The following SLC22A15 variants were observed in gnomAD, a reference collection of about 807,000 sequenced individuals.
SLC22A15 encodes the protein solute carrier family 22 member 15.
In SLC22A15, 45 loss-of-function variants were observed where a neutral mutation model predicts 62.7. The observed-to-expected ratio is 0.72, with a 90% confidence interval of 0.56 to 0.92. The LOEUF is 0.92. Ranked by LOEUF, SLC22A15 falls within the 40% of genes least tolerant of loss-of-function variation. SLC22A15 has a pLI of 0.00. For synonymous variants in SLC22A15, 264 were observed against 267.0 expected, an observed-to-expected ratio of 0.99 and a Z score of 0.11; for missense variants, 622 against 665.6, an observed-to-expected ratio of 0.93 and a Z score of 0.72.
rs941511518 is a variant in SLC22A15 at position 116,018,648 on chromosome 1, T to C, written c.301-934T>C. Reference sequence around the variant, plus strand: ...TTCCTTTTTATTTTTTTAATTTTATTGACATAATTATATTTATGGGCTACA... The same window carrying C: ...TTCCTTTTTATTTTTTTAATTTTATCGACATAATTATATTTATGGGCTACA... On this transcript the variant is annotated intron_variant, in intron 2 of 11. Coordinates refer to ENST00000369503, the MANE Select transcript of SLC22A15 (RefSeq NM_018420.3). 3.3e-5 allele frequency among the ~76,000 whole-genome samples: 5 copies of C among 152,214 alleles called. No individual in the cohort carries two copies. The East Asian group carries it at 9.6e-4, about 29-fold the overall frequency.
chr1:116,064,470 C>T lies in SLC22A15; in HGVS notation c.1327C>T (p.Arg443Ter), dbSNP rs763830091. 1.9e-5 allele frequency: 31 copies of T among 1,613,362 alleles called. No individual in the cohort carries two copies. The highest frequency in any genetic ancestry group is 4.5e-5 in the East Asian group (2 of 44,888). The change falls in exon 10 of 12, where the codon CGA becomes TGA. Residue 443 changes from arginine to a stop codon, truncating the protein, a stop_gained. Transcript: ENST00000369503. LOFTEE classifies it high-confidence loss of function. ...GCTTGGAACTTGTTCCATGTTCTCC[C>T]GAGTTGGTGGGATTATTGCTCCCTT... ...VGLGTCSMFS[R>*]VGGIIAPFIP...
Position 116,067,674 on chromosome 1 carries a change from A to G in SLC22A15, c.*566A>G, listed in dbSNP as rs1394481981. The G allele has an allele frequency of 6.6e-6, 1 of 152,472 alleles. No individual in the cohort carries two copies. Among genetic ancestry groups the G allele is most frequent in the Non-Finnish European group, 1.5e-5 (1 of 68,312 alleles). 9.4% of individuals were successfully genotyped at this position (152,472 alleles called of 1,614,324 possible). A position where few individuals can be genotyped will look rare whatever the true frequency, so the allele number is the denominator to read the frequency against. ...CCTCCAGCTTTTTCTTAGCTGATGA[A>G]ATATGAGTCCTCAGCTTGGTTCCCA... On this transcript the variant is annotated 3_prime_UTR_variant, in exon 12 of 12. Transcript: ENST00000369503.
chr1:116,019,653 T>C lies in SLC22A15; in HGVS notation c.372T>C (p.Val124=). ...ASSFFFSGVF[V]GVISFGQLSD... ...CTTTTTTCTTCAGTGGTGTATTTGT[T>C]GGAGTTATCTCTTTTGGTCAGCTTT... Residue 124 remains valine, a synonymous_variant, in exon 3 of 12, where the codon GTT becomes GTC. Transcript: ENST00000369503. 6.2e-7 allele frequency: 1 copy of C among 1,613,758 alleles called. No individual in the cohort carries two copies. Among genetic ancestry groups the C allele is most frequent in the Non-Finnish European group, 8.5e-7 (1 of 1,179,790 alleles).
At chr1:116,044,081 C>T (rs1295681331) in intron 8 of SLC22A15, among the ~76,000 whole-genome samples, 1 of 152,170 alleles carries the variant, frequency 6.6e-6, no homozygotes, top group Non-Finnish European at 1.5e-5. Flanking sequence ...GAGAATAACT[C>T]TCCCGGCTTA....
chr1:116,031,346 TTTAATGACATCTCTTTCA>T lies in SLC22A15; in HGVS notation c.729-19_729-2del. The T allele has an allele frequency of 6.3e-7, 1 of 1,592,940 alleles. No individual in the cohort carries two copies. Among genetic ancestry groups the T allele is most frequent in the Non-Finnish European group, 8.6e-7 (1 of 1,164,564 alleles). ...CGTGTACCTATATGAATATACAGGC[TTTAATGACATCTCTTTCA>T]GATTCATTCCTGAATCACCTCGTTG... On this transcript the variant is annotated splice_acceptor_variant and splice_polypyrimidine_tract_variant and intron_variant, in intron 5 of 11. Coordinates refer to ENST00000369503, the MANE Select transcript of SLC22A15 (RefSeq NM_018420.3). LOFTEE classifies it high-confidence loss of function.
intron 11 of SLC22A15, 85 bp from the exon 12 acceptor site, chr1:116,066,934 T>A: frequency 9.0e-7 from 1 of 1,108,828 alleles, no homozygotes; most frequent in East Asian, 2.5e-5. Flanking sequence ...TAAATACATT[T>A]GTCAGTTGAA....
At chr1:116,058,731 T>C (rs1752370) in intron 8 of SLC22A15, among the ~76,000 whole-genome samples, 143,119 of 152,262 alleles carry the variant, frequency 0.94, 67,826 homozygotes, top group East Asian at 1. Flanking sequence ...GCTTATCAGT[T>C]AACGAGTGGA....
At chr1:116,033,793 T>C (rs889751992) in intron 6 of SLC22A15, among the ~76,000 whole-genome samples, 1 of 152,170 alleles carries the variant, frequency 6.6e-6, no homozygotes, top group African/African-American at 2.4e-5. Context: ...CAATGCAGTG[T>C]CACCTTGCAT....
chr1:116,038,207 T>C (rs1258766809), intron 8 of SLC22A15, among the ~76,000 whole-genome samples: 1 of 152,192 alleles, frequency 6.6e-6, no homozygotes, highest in Non-Finnish European at 1.5e-5. Context: ...TGGATTTTGA[T>C]AGGGTTCTGT....
intron 2 of SLC22A15, among the ~76,000 whole-genome samples, chr1:115,994,627 T>C (rs1159540075): frequency 6.6e-6 from 1 of 152,214 alleles, no homozygotes; most frequent in African/African-American, 2.4e-5. Context: ...TTTCATCTAT[T>C]GTTACTAGTT....
chr1:116,065,720 G>A (rs76121457), intron 10 of SLC22A15, among the ~76,000 whole-genome samples: 152 of 152,122 alleles, frequency 1.0e-3, no homozygotes, highest in African/African-American at 3.4e-3. Context: ...AAAATTGTCT[G>A]AGGGGAAATC....
At chr1:116,020,117 A>G (rs1656743207) in intron 3 of SLC22A15, among the ~76,000 whole-genome samples, 2 of 152,168 alleles carry the variant, frequency 1.3e-5, no homozygotes, top group Admixed American at 6.5e-5. Flanking sequence ...TGACAAGCTG[A>G]GTATGAGCAA....
chr1:116,009,698 C>T (rs971478624), intron 2 of SLC22A15, among the ~76,000 whole-genome samples: 8 of 152,172 alleles, frequency 5.3e-5, no homozygotes, highest in Non-Finnish European at 8.8e-5. Context: ...CTTGCTCCTG[C>T]AAATCTCTAA....
At chr1:115,987,271 T>A (rs1425122104) in intron 1 of SLC22A15, among the ~76,000 whole-genome samples, 2 of 151,580 alleles carry the variant, frequency 1.3e-5, no homozygotes, top group South Asian at 4.2e-4. Flanking sequence ...GTTCACGCCA[T>A]TCTCCTGCCT....
rs1227152527 is a variant in SLC22A15 at position 116,020,542 on chromosome 1, C to T, written c.434-179C>T. On this transcript the variant is annotated intron_variant, in intron 3 of 11. Transcript: ENST00000369503. ...CTGCACTCCAGCCTGGGTGACAGAGCGAGACTCCATCTCAAAAAAAAAACA... is the reference window on the plus strand; with the variant it reads ...CTGCACTCCAGCCTGGGTGACAGAGTGAGACTCCATCTCAAAAAAAAAACA... Among the ~76,000 whole-genome samples, 6 of 147,438 alleles carry T rather than the reference C, an allele frequency of 4.1e-5. No homozygotes were observed. The East Asian group carries it at 1.2e-3, about 29-fold the overall frequency.
intron 1 of SLC22A15, among the ~76,000 whole-genome samples, chr1:115,977,784 C>T (rs1203886888): frequency 6.6e-6 from 1 of 152,128 alleles, no homozygotes; most frequent in African/African-American, 2.4e-5. Context: ...TGGATATAGC[C>T]ACCAGTCCAC....
intron 11 of SLC22A15, 46 bp from the exon 12 acceptor site, chr1:116,066,973 A>T: frequency 6.8e-7 from 1 of 1,465,970 alleles, no homozygotes; most frequent in South Asian, 1.2e-5. Flanking sequence ...CATTTCAGAA[A>T]TGTCATAACA....
intron 5 of SLC22A15, among the ~76,000 whole-genome samples, chr1:116,027,574 C>T (rs1657158019): frequency 6.6e-6 from 1 of 152,032 alleles, no homozygotes; most frequent in Non-Finnish European, 1.5e-5. Context: ...GGGTGTCATA[C>T]CATGGCCCTC....
intron 8 of SLC22A15, among the ~76,000 whole-genome samples, chr1:116,045,371 C>G (rs1657905759): frequency 6.6e-6 from 1 of 151,448 alleles, no homozygotes; most frequent in African/African-American, 2.4e-5. Context: ...TATGGAAATT[C>G]AAAGGATCTG....
Sources: allele counts gnomAD v4.1 joint callset (sites outside exome capture counted in the v4.1 genomes callset), GRCh38; gene constraint gnomAD v4.1.1; transcripts MANE v1.5; gene names NCBI Gene and HGNC (gene_info 2026-07-23, HGNC 2026-07-21).